COL9A1: variants seen among roughly 807,000 people sequenced by gnomAD.
COL9A1 encodes the protein collagen alpha-1(IX) chain.
In COL9A1, 104 loss-of-function variants were observed where a neutral mutation model predicts 142.6. The ratio of observed to expected loss-of-function variants is 0.73; its 90% CI spans 0.62 to 0.86. The LOEUF is 0.86. Among genes scored for constraint, COL9A1 ranks in the 40% least tolerant of loss-of-function variants. COL9A1 has a pLI of 0.00. For missense variants in COL9A1, 1,210 were observed against 1,176.6 expected (o/e 1.03, Z -0.42); for synonymous variants, 466 against 396.0 (o/e 1.18, Z -2.10).
intron 5 of COL9A1, among the ~76,000 whole-genome samples, chr6:70,287,162 G>A (rs893431730): frequency 6.6e-5 from 10 of 152,044 alleles, no homozygotes; most frequent in South Asian, 2.1e-4. Context: ...GCAGAGACAC[G>A]GAGGGTAAAG....
intron 13 of COL9A1, 139 bp from the exon 14 acceptor site, chr6:70,271,847 CA>C (rs1772421684): frequency 1.0e-6 from 1 of 992,382 alleles, no homozygotes; most frequent in Non-Finnish European, 1.5e-6. Flanking sequence ...CTCATTTGAC[CA>C]AACTTTAATT....
At chr6:70,266,471 G>A (rs1467578509) in intron 18 of COL9A1, among the ~76,000 whole-genome samples, 1 of 152,130 alleles carries the variant, frequency 6.6e-6, no homozygotes, top group Non-Finnish European at 1.5e-5. Context: ...AAAAGAAAAG[G>A]TAGTGACAGA....
At chr6:70,230,603 C>T (rs1769481841) in intron 36 of COL9A1, among the ~76,000 whole-genome samples, 1 of 152,148 alleles carries the variant, frequency 6.6e-6, no homozygotes, top group African/African-American at 2.4e-5. Flanking sequence ...ACTTTTGTTT[C>T]TTTCAAACTG....
intron 10 of COL9A1, 118 bp downstream of exon 10, chr6:70,280,694 G>T: frequency 7.1e-7 from 1 of 1,400,844 alleles, no homozygotes; most frequent in Non-Finnish European, 9.8e-7. Context: ...CAAGTTTAGA[G>T]CCACAGCGCG....
intron 7 of COL9A1, 75 bp from the exon 8 acceptor site, chr6:70,281,539 C>G (rs530588551): frequency 2.6e-6 from 3 of 1,170,564 alleles, no homozygotes; most frequent in Middle Eastern, 2.1e-4. Context: ...TGCCCTGAAG[C>G]CCCCGCCTCC....
chr6:70,283,129 C>T, intron 6 of COL9A1: 1 of 1,534,766 alleles, frequency 6.5e-7, no homozygotes, highest in Non-Finnish European at 8.7e-7. Flanking sequence ...CCGCCACTAG[C>T]ATAGGTGGCA....
rs75782694 is a variant in COL9A1 at position 70,259,942 on chromosome 6, G to T, written c.1449+715C>A. ...GCAGGGCTCATGGATCAGCTTGCAG[G>T]TGGGTCACTGGAGGCTCCAGTGTCT... is the stretch of plus-strand genomic sequence containing the variant. On this transcript the variant is annotated intron_variant, in intron 20 of 37. Coordinates refer to ENST00000357250, the MANE Select transcript of COL9A1 (RefSeq NM_001851.6). 3.9e-3 allele frequency among the ~76,000 whole-genome samples: 594 copies of T among 152,110 alleles called. 5 individuals are homozygous for T. Among genetic ancestry groups the T allele is most frequent in the East Asian group, 0.011 (59 of 5,136 alleles).
rs140274454 is a variant in COL9A1, at chr6:70,302,051, A to C, written c.38T>G (p.Val13Gly). ...TCWKIPVFFFVCSFLEPWASA... is the reference protein window; with the variant it reads ...TCWKIPVFFFGCSFLEPWASA... The stretch of plus-strand genomic sequence containing the variant: ...TGCCCAGGGTTCCAGGAAACTGCAC[A>C]CAAAGAAGAAAACTGGAATTTTCCT... The change falls in exon 2 of 38, where the codon GTG (valine) becomes GGG (glycine). Residue 13 changes from valine to glycine, a missense_variant. By Grantham distance (109) the Val-to-Gly change is moderately radical. Transcript: ENST00000357250. 3.7e-6 allele frequency: 6 copies of C among 1,611,746 alleles called. No homozygotes were observed. The highest frequency in any genetic ancestry group is 5.1e-6 in the Non-Finnish European group (6 of 1,179,132).
chr6:70,223,297 T>A (rs1387977491), intron 37 of COL9A1, among the ~76,000 whole-genome samples: 1 of 152,224 alleles, frequency 6.6e-6, no homozygotes, highest in Non-Finnish European at 1.5e-5. Flanking sequence ...GCGCCTACTA[T>A]AGCCAGGAAC....
chr6:70,218,356 C>T (rs1273442217), intron 37 of COL9A1, among the ~76,000 whole-genome samples: 2 of 152,148 alleles, frequency 1.3e-5, no homozygotes, highest in East Asian at 1.9e-4. Context: ...TTCCTTTTGT[C>T]GTGTTTAAGG....
intron 18 of COL9A1, among the ~76,000 whole-genome samples, chr6:70,263,701 A>C (rs955283950): frequency 6.6e-6 from 1 of 151,904 alleles, no homozygotes; most frequent in African/African-American, 2.4e-5. Context: ...ATGTAATTAT[A>C]CTATGAAAAC....
rs779560442 is a variant in COL9A1 at position 70,281,019 on chromosome 6, G to A, written c.897C>T (p.Gly299=). The A allele has an allele frequency of 3.1e-6, 5 of 1,612,558 alleles. No individual in the cohort carries two copies. The highest frequency in any genetic ancestry group is 2.2e-5 in the East Asian group (1 of 44,764). ...ATCAACTTACCGGGGGGCCCGGGGG[G>A]CCCTTAGGACCTCGGTCACCCTGGA... ...DGIDGDRGPK[G]PPGPPGPAGE... is the part of the protein sequence containing the mutation. The change falls in exon 9 of 38, where the codon GGC becomes GGT. Residue 299 remains glycine, a synonymous_variant. Coordinates refer to ENST00000357250, the MANE Select transcript of COL9A1 (RefSeq NM_001851.6).
intron 5 of COL9A1, among the ~76,000 whole-genome samples, chr6:70,292,548 G>A (rs887276666): frequency 1.3e-5 from 2 of 152,088 alleles, no homozygotes; most frequent in Admixed American, 6.6e-5. Context: ...TATTGGCAAG[G>A]CTATAGTATA....
At chr6:70,296,824 G>C (rs1377666709) in intron 4 of COL9A1, among the ~76,000 whole-genome samples, 1 of 152,020 alleles carries the variant, frequency 6.6e-6, no homozygotes, top group Non-Finnish European at 1.5e-5. Flanking sequence ...TTAACCAGAT[G>C]CTTAAATAAT....
intron 26 of COL9A1, 59 bp downstream of exon 26, chr6:70,253,326 C>T (rs942585377): frequency 3.4e-5 from 38 of 1,111,994 alleles, no homozygotes; most frequent in Admixed American, 2.7e-4. Context: ...ATTACAAATA[C>T]GTTAGTAAAT....
intron 23 of COL9A1, 27 bp downstream of exon 23, chr6:70,255,123 G>A (rs1270737454): frequency 6.2e-7 from 1 of 1,614,018 alleles, no homozygotes; most frequent in East Asian, 2.2e-5. Context: ...TGAAAAATGT[G>A]CTTGATGACT....
At chr6:70,221,642 C>T (rs1768886496) in intron 37 of COL9A1, among the ~76,000 whole-genome samples, 1 of 152,156 alleles carries the variant, frequency 6.6e-6, no homozygotes, top group African/African-American at 2.4e-5. Context: ...GTCCAAGAGG[C>T]AAAAAGCACC....
In COL9A1 at chr6:70,282,906, T is replaced by C. The variant is rs1773262366; in HGVS notation, c.793A>G (p.Thr265Ala). 1.2e-6 allele frequency: 2 copies of C among 1,614,126 alleles called. No homozygotes were observed. Among genetic ancestry groups the C allele is most frequent in the South Asian group, 2.2e-5 (2 of 91,082 alleles). ...CCCTGCCCCCAACTTACCTCGTCGG[T>C]GGTCTGGCTGGGCTGGAGAAGAAAA... ...LPARITPSQT[T>A]DERGPPGEQG... is the part of the protein sequence containing the mutation. Residue 265 changes from threonine (T) to alanine (A), a missense_variant, in exon 7 of 38, where the codon ACC becomes GCC. Physicochemically the swap from Thr to Ala is moderately conservative, Grantham distance 58. Coordinates refer to ENST00000357250, the MANE Select transcript of COL9A1 (RefSeq NM_001851.6).
chr6:70,274,892 A>G lies in COL9A1; in HGVS notation c.976-120T>C, dbSNP rs760106845. 3 of 761,602 alleles carry G rather than the reference A, an allele frequency of 3.9e-6. No individual in the cohort carries two copies. The South Asian group carries it at 4.7e-5, about 12-fold the overall frequency. The allele number at this position is 761,602 out of a possible 1,614,324, so 47.2% of individuals were successfully genotyped here. A position where few individuals can be genotyped will look rare whatever the true frequency, so the allele number is the denominator to read the frequency against. On this transcript the variant is annotated intron_variant, in intron 10 of 37. Coordinates refer to ENST00000357250, the MANE Select transcript of COL9A1 (RefSeq NM_001851.6). ...GGATGGTTACATAAGTATGATGCAA[A>G]TATTTATAAAGAAATACCTTACTAT...
Sources: allele counts gnomAD v4.1 joint callset (sites outside exome capture counted in the v4.1 genomes callset), GRCh38; gene constraint gnomAD v4.1.1; transcripts MANE v1.5; gene names NCBI Gene and HGNC (gene_info 2026-07-23, HGNC 2026-07-21).